Variants in SYN3 observed in about 807,000 individuals in gnomAD.
SYN3 encodes synapsin III.
Under a neutral mutation model 65.8 loss-of-function variants are expected in SYN3, and 35 were observed. That is an observed-to-expected ratio of 0.53 (90% CI 0.41 to 0.70). SYN3 has a LOEUF of 0.70. Among genes scored for constraint, SYN3 ranks in the 30% least tolerant of loss-of-function variants. SYN3 has a pLI of 0.00. For synonymous variants in SYN3, 270 were observed against 292.9 expected (o/e 0.92, Z 0.80); for missense variants, 680 against 749.0 (o/e 0.91, Z 1.08).
chr22:32,774,203 C>T (rs866866868), intron 6 of SYN3, among the ~76,000 whole-genome samples: 5 of 152,088 alleles, frequency 3.3e-5, no homozygotes, highest in Non-Finnish European at 7.3e-5. Context: ...TATGCTCAAT[C>T]CCTCACCCTT....
At chr22:32,931,227 G>A (rs923553600) in intron 4 of SYN3, 163 bp downstream of exon 4, 28 of 580,902 alleles carry the variant, frequency 4.8e-5, no homozygotes, top group Admixed American at 2.4e-4. Flanking sequence ...GATATGTGCC[G>A]CTGGTCATTA....
chr22:32,767,679 CTTTTCTTTTA>C (rs1328241854), intron 6 of SYN3, among the ~76,000 whole-genome samples: 2 of 152,124 alleles, frequency 1.3e-5, no homozygotes, highest in East Asian at 3.8e-4. Context: ...TATCAGCTTT[CTTTTCTTTTA>C]TTTTCTTTGT....
intron 6 of SYN3, among the ~76,000 whole-genome samples, chr22:32,695,653 C>A (rs1290133219): frequency 6.6e-6 from 1 of 152,202 alleles, no homozygotes; most frequent in Non-Finnish European, 1.5e-5. Context: ...GCAAGGCTGA[C>A]TGCTGCTCCC....
chr22:32,815,934 G>A (rs2047078566), intron 6 of SYN3, among the ~76,000 whole-genome samples: 1 of 152,164 alleles, frequency 6.6e-6, no homozygotes, highest in Admixed American at 6.5e-5. Flanking sequence ...TAGACAGCCT[G>A]GATTTTTCTG....
chr22:32,510,285 G>T lies in SYN3; in HGVS notation c.*3407C>A, dbSNP rs1001721934. Among the ~76,000 whole-genome samples the T allele has an allele frequency of 2.0e-5, 3 of 152,192 alleles. No individual in the cohort carries two copies. The highest frequency in any genetic ancestry group is 2.9e-5 in the Non-Finnish European group (2 of 68,032). On this transcript the variant is annotated 3_prime_UTR_variant, in exon 14 of 14. Coordinates refer to ENST00000358763, the MANE Select transcript of SYN3 (RefSeq NM_003490.4). ...AGTGGGGAGATTGACAAAGATGCAG[G>T]TTCTGGGTCCTGTGACCAGAAATTC...
chr22:33,041,061 T>C (rs9607006), intron 1 of SYN3, among the ~76,000 whole-genome samples: 25,661 of 150,590 alleles, frequency 0.17, 2,506 homozygotes, highest in East Asian at 0.42. Flanking sequence ...ATTACAGGCA[T>C]GCGCCACCAT....
Position 33,021,199 on chromosome 22 carries a change from C to T in SYN3, c.-162-14375G>A, listed in dbSNP as rs5754381. ...TTGCAGCTCAGTGACATCTAAGTCA[C>T]GGGTTCTTCATCTGCAAAGTGGGGA... On this transcript the variant is annotated intron_variant, in intron 1 of 13. Coordinates refer to ENST00000358763, the MANE Select transcript of SYN3 (RefSeq NM_003490.4). Among the ~76,000 whole-genome samples, 287 of 152,288 alleles carry T rather than the reference C, an allele frequency of 1.9e-3. 8 individuals carry two copies. In the East Asian group the frequency reaches 0.048, roughly 26 times the overall value.
intron 7 of SYN3, among the ~76,000 whole-genome samples, chr22:32,593,072 C>T (rs1008851910): frequency 3.3e-5 from 5 of 152,288 alleles, no homozygotes; most frequent in Admixed American, 2.6e-4. Flanking sequence ...AGAAGGTAAA[C>T]GTACCACAGG....
In SYN3 at chr22:32,560,666, T is replaced by C. The variant is rs570294316; in HGVS notation, c.775-18953A>G. On this transcript the variant is annotated intron_variant, in intron 7 of 13. Transcript: ENST00000358763. ...AGGTCAGAAAGATGGGGAAGGGTCA[T>C]GTAGGGTCTCAGAGCCACCGCAACG... Among the ~76,000 whole-genome samples, 90 of 152,234 alleles carry C rather than the reference T, an allele frequency of 5.9e-4. 1 individual carries two copies. In the South Asian group the frequency reaches 0.018, roughly 31 times the overall value.
chr22:32,668,187 C>T (rs1341969351), intron 6 of SYN3, among the ~76,000 whole-genome samples: 1 of 152,164 alleles, frequency 6.6e-6, no homozygotes, highest in African/African-American at 2.4e-5. Context: ...AAAATCACCT[C>T]ATAGATGCAG....
chr22:32,878,895 T>C (rs918576081), intron 4 of SYN3, among the ~76,000 whole-genome samples: 1 of 152,164 alleles, frequency 6.6e-6, no homozygotes, highest in African/African-American at 2.4e-5. Flanking sequence ...ATTATGGCCA[T>C]GTGGGAATGA....
chr22:32,971,310 C>T (rs935484332), intron 3 of SYN3, among the ~76,000 whole-genome samples: 5 of 152,144 alleles, frequency 3.3e-5, no homozygotes, highest in African/African-American at 1.2e-4. Context: ...ATCCCCCCAG[C>T]TGGTTCTTAG....
chr22:33,031,728 G>A (rs573791198), intron 1 of SYN3, among the ~76,000 whole-genome samples: 2 of 151,716 alleles, frequency 1.3e-5, no homozygotes, highest in South Asian at 2.1e-4. Context: ...GCCCTTCTCA[G>A]GTCTGTAAAC....
intron 6 of SYN3, among the ~76,000 whole-genome samples, chr22:32,667,798 CTT>C (rs759464712): frequency 6.2e-4 from 86 of 139,124 alleles, no homozygotes; most frequent in African/African-American, 1.9e-3. Context: ...TTCTTTCTTT[CTT>C]TTTTTTTTTT....
At chr22:32,607,017 C>G (rs1243695065) in intron 6 of SYN3, among the ~76,000 whole-genome samples, 2 of 151,062 alleles carry the variant, frequency 1.3e-5, no homozygotes, top group East Asian at 1.9e-4. Flanking sequence ...CGCCTCCCCC[C>G]ACCCCACAAC....
intron 2 of SYN3, among the ~76,000 whole-genome samples, chr22:32,993,225 C>T (rs980400441): frequency 6.6e-5 from 10 of 152,152 alleles, no homozygotes; most frequent in Non-Finnish European, 1.2e-4. Context: ...ACTGTTCCTG[C>T]CACCTAGATC....
Position 32,693,082 on chromosome 22 carries a change from T to C in SYN3, c.712-96346A>G, listed in dbSNP as rs532479042. Among the ~76,000 whole-genome samples, 3 of 152,246 alleles carry C rather than the reference T, an allele frequency of 2.0e-5. No homozygotes were observed. The South Asian group carries it at 6.2e-4, about 32-fold the overall frequency. ...CTCAGATAGTACTGAACCCTATATA[T>C]ATATATACTATGTTTTTCCAATTAC... On this transcript the variant is annotated intron_variant, in intron 6 of 13. Coordinates refer to ENST00000358763, the MANE Select transcript of SYN3 (RefSeq NM_003490.4).
intron 7 of SYN3, among the ~76,000 whole-genome samples, chr22:32,553,983 C>T (rs553699246): frequency 3.3e-5 from 5 of 151,902 alleles, no homozygotes; most frequent in Admixed American, 1.3e-4. Flanking sequence ...GCCACCACCA[C>T]GGTCCACACC....
chr22:32,987,759 C>T (rs1365473218), intron 2 of SYN3, among the ~76,000 whole-genome samples: 1 of 152,136 alleles, frequency 6.6e-6, no homozygotes, highest in East Asian at 1.9e-4. Context: ...TTATTCACTC[C>T]CTCATTCAAT....
Sources: gnomAD v4.1 joint callset for allele counts (sites outside exome capture counted in the v4.1 genomes callset) on GRCh38, gnomAD v4.1.1 for gene constraint, MANE v1.5 for transcripts, NCBI Gene and HGNC (gene_info 2026-07-23, HGNC 2026-07-21) for gene names.